CEP95: variants seen among roughly 807,000 people sequenced by gnomAD.
CEP95 encodes the protein centrosomal protein 95.
A neutral mutation model predicts 111.2 loss-of-function variants in CEP95; 98 were observed. The observed-to-expected ratio is 0.88, with a 90% CI of 0.75 to 1.04. The LOEUF is 1.04. Among genes scored for constraint, CEP95 ranks in the 50% least tolerant of loss-of-function variants. The probability of loss-of-function intolerance (pLI) is 0.00; values close to 1 mark genes in which losing one functional copy is unlikely to be tolerated. For synonymous variants in CEP95, 323 were observed against 327.1 expected, an observed-to-expected ratio of 0.99 and a Z score of 0.14; for missense variants, 1,027 against 977.2, an observed-to-expected ratio of 1.05 and a Z score of -0.68.
At position 64,532,836 on chromosome 17, in the gene CEP95, C is replaced by A. The variant is rs923355943; in HGVS notation, c.1673-3C>A. On this transcript the variant is annotated splice_region_variant and splice_polypyrimidine_tract_variant and intron_variant, in intron 14 of 19. Transcript: ENST00000556440. ...ATTAAGAACATCTTATTTTACCTTG[C>A]AGTGAAAGTAAGTGAACACAGTCTC... The A allele has an allele frequency of 1.9e-6, 3 of 1,605,248 alleles. No homozygotes were observed. Among genetic ancestry groups the A allele is most frequent in the Non-Finnish European group, 2.5e-6 (3 of 1,177,484 alleles).
At chr17:64,520,962 G>C (rs1967286432) in intron 6 of CEP95, among the ~76,000 whole-genome samples, 1 of 152,170 alleles carries the variant, frequency 6.6e-6, no homozygotes, top group Non-Finnish European at 1.5e-5. Flanking sequence ...TTGATATTAT[G>C]GCCCGTCACA....
intron 19 of CEP95, 97 bp downstream of exon 19, chr17:64,537,209 CAT>C (rs1555681779): frequency 5.9e-6 from 9 of 1,531,944 alleles, no homozygotes; most frequent in Non-Finnish European, 7.0e-6. Flanking sequence ...TAGGCTGTAT[CAT>C]ATAGCCCCGG....
chr17:64,509,276 C>A (rs1194062902), intron 2 of CEP95, among the ~76,000 whole-genome samples: 1 of 152,214 alleles, frequency 6.6e-6, no homozygotes, highest in East Asian at 1.9e-4. Flanking sequence ...TTAAGTGATC[C>A]TCCCGTCTAC....
intron 1 of CEP95, chr17:64,507,550 G>T: frequency 1.9e-6 from 2 of 1,060,876 alleles, no homozygotes; most frequent in South Asian, 3.0e-5. Context: ...AGTAGAATAT[G>T]CCCCTGTAGA....
At chr17:64,512,597 A>G (rs1247030838) in intron 3 of CEP95, among the ~76,000 whole-genome samples, 2 of 152,254 alleles carry the variant, frequency 1.3e-5, no homozygotes, top group African/African-American at 4.8e-5. Flanking sequence ...GAGGATTTAT[A>G]CTGTTGATTT....
At position 64,510,236 on chromosome 17, in the gene CEP95, C is replaced by G. The variant is rs1279016477; in HGVS notation, c.212C>G (p.Ser71Ter). The G allele has an allele frequency of 6.2e-7, 1 of 1,611,744 alleles. No individual in the cohort carries two copies. The highest frequency in any genetic ancestry group is 1.7e-5 in the Admixed American group (1 of 59,802). Reference sequence around the variant, plus strand: ...CACAATGTACAAGCAGTAATTGATTCACTGGCCTTGGACTACTTGCAGGTC... The same window carrying G: ...CACAATGTACAAGCAGTAATTGATTGACTGGCCTTGGACTACTTGCAGGTC... Reference protein sequence around the residue: ...DAHNVQAVIDSLALDYLQVSL... With the variant: ...DAHNVQAVID Residue 71 changes from serine (S) to a stop codon, truncating the protein, a stop_gained, in exon 3 of 20, where the codon TCA becomes TGA. Transcript: ENST00000556440. LOFTEE classifies it high-confidence loss of function.
chr17:64,507,258 G>T (rs540595233), intron 1 of CEP95, 142 bp downstream of exon 1: 42 of 1,505,496 alleles, frequency 2.8e-5, no homozygotes, highest in Admixed American at 8.7e-5. Context: ...GGGTTCCCTG[G>T]ATAGGGTCTC....
chr17:64,535,494 G>A (rs1184781135), intron 17 of CEP95: 2 of 152,228 alleles, frequency 1.3e-5, no homozygotes, highest in African/African-American at 2.4e-5. Flanking sequence ...TATGTACATG[G>A]CTGCTTGACA....
chr17:64,527,065 T>C (rs1030018604), intron 10 of CEP95, 46 bp from the exon 11 acceptor site: 2 of 1,551,354 alleles, frequency 1.3e-6, no homozygotes, highest in Non-Finnish European at 1.8e-6. Flanking sequence ...CGAATTTACA[T>C]TCTGCTGAAA....
chr17:64,512,132 A>G (rs2038929930), intron 3 of CEP95, among the ~76,000 whole-genome samples: 1 of 152,248 alleles, frequency 6.6e-6, no homozygotes, highest in Non-Finnish European at 1.5e-5. Flanking sequence ...AATCTCTAGC[A>G]TATGTGATGC....
intron 3 of CEP95, among the ~76,000 whole-genome samples, chr17:64,512,091 C>T (rs572206587): frequency 1.4e-4 from 21 of 152,314 alleles, no homozygotes; most frequent in African/African-American, 5.1e-4. Context: ...ACTGAATATG[C>T]TCTTTGTGCA....
Position 64,521,518 on chromosome 17 carries a change from G to A in CEP95, c.706G>A (p.Val236Ile). The A allele has an allele frequency of 6.2e-7, 1 of 1,609,916 alleles. No individual in the cohort carries two copies. Among genetic ancestry groups the A allele is most frequent in the South Asian group, 1.1e-5 (1 of 90,002 alleles). ...TTTGTCCAAGAGTAGGACATCCTTT[G>A]TTGAAGACAGTGAGTTGTAATGGAT... ...SVLSKSRTSF[V>I]EDTETLSVSG... The change falls in exon 7 of 20, where the codon GTT becomes ATT. Residue 236 changes from valine to isoleucine, a missense_variant. By Grantham distance (29) the Val-to-Ile change is conservative. Transcript: ENST00000556440.
chr17:64,537,830 A>C lies in CEP95; in HGVS notation c.*51A>C. 8.1e-7 allele frequency: 1 copy of C among 1,236,646 alleles called. No individual in the cohort carries two copies. The highest frequency in any genetic ancestry group is 1.1e-6 in the Non-Finnish European group (1 of 911,580). 76.6% of individuals were successfully genotyped at this position (1,236,646 alleles called of 1,614,324 possible). A position where few individuals can be genotyped will look rare whatever the true frequency, so the allele number is the denominator to read the frequency against. ...AGGTTCTGGAGGCCTTTACCAGGAC[A>C]GAGCTAGAATCGAGCCAGTAAACAG... On this transcript the variant is annotated 3_prime_UTR_variant, in exon 20 of 20. Coordinates refer to ENST00000556440, the MANE Select transcript of CEP95 (RefSeq NM_138363.3).
At chr17:64,533,342 C>T (rs1416482224) in intron 16 of CEP95, among the ~76,000 whole-genome samples, 151 bp downstream of exon 16, 1 of 152,144 alleles carries the variant, frequency 6.6e-6, no homozygotes, top group East Asian at 1.9e-4. Flanking sequence ...AAATTGATAG[C>T]CCATGCCTGT....
At position 64,527,850 on chromosome 17, in the gene CEP95, TAA is replaced by T. The variant is rs1241798101; in HGVS notation, c.1306+587_1306+588del. On this transcript the variant is annotated intron_variant, in intron 11 of 19. Coordinates refer to ENST00000556440, the MANE Select transcript of CEP95 (RefSeq NM_138363.3). ...GACTGAGTTCTTGCAGTGTGCCACT[TAA>T]TGTGTGTGTGTGTGTGTGTATATAT... Among the ~76,000 whole-genome samples, 1,124 of 139,674 alleles carry T rather than the reference TAA, an allele frequency of 8.0e-3. 19 individuals are homozygous for T. Among genetic ancestry groups the T allele is most frequent in the African/African-American group, 0.03 (1,055 of 34,886 alleles). 91.6% of individuals were successfully genotyped at this position (139,674 alleles called of 152,430 possible).
chr17:64,507,520 T>G, intron 1 of CEP95: 1 of 1,130,346 alleles, frequency 8.8e-7, no homozygotes, highest in Non-Finnish European at 1.1e-6. Context: ...TTCTTAAGAT[T>G]TATTATGCCC....
intron 5 of CEP95, among the ~76,000 whole-genome samples, chr17:64,517,937 C>G (rs1050430362): frequency 3.3e-5 from 5 of 152,008 alleles, no homozygotes; most frequent in African/African-American, 4.8e-5. Context: ...TGTGCAGTGG[C>G]ACAATCTCAG....
intron 2 of CEP95, among the ~76,000 whole-genome samples, chr17:64,509,512 C>G (rs2038773176): frequency 6.6e-6 from 1 of 152,134 alleles, no homozygotes; most frequent in African/African-American, 2.4e-5. Context: ...TGGCAAAATG[C>G]CATCTCTGCT....
In CEP95 at chr17:64,532,994, A is replaced by G; in HGVS notation, c.1828A>G (p.Lys610Glu). The G allele has an allele frequency of 4.3e-6, 7 of 1,611,788 alleles. No homozygotes were observed. Among genetic ancestry groups the G allele is most frequent in the Non-Finnish European group, 5.1e-6 (6 of 1,179,360 alleles). The stretch of plus-strand genomic sequence containing the variant: ...ATGTAGAGAAAATCGATCAAAGAAG[A>G]AACTCCAAGATGAAGTAAGTTACTG... Reference protein sequence around the residue: ...EACRENRSKKKLQDEIEEALR... With the variant: ...EACRENRSKKELQDEIEEALR... The change falls in exon 15 of 20, where the codon AAA becomes GAA. Residue 610 changes from lysine to glutamate, a missense_variant. By Grantham distance (56) the Lys-to-Glu change is moderately conservative. Transcript: ENST00000556440.
Sources: gnomAD v4.1 joint callset for allele counts (sites outside exome capture counted in the v4.1 genomes callset) on GRCh38, gnomAD v4.1.1 for gene constraint, MANE v1.5 for transcripts, NCBI Gene and HGNC (gene_info 2026-07-23, HGNC 2026-07-21) for gene names.